The following NWD1 variants were observed in gnomAD, a reference collection of about 807,000 sequenced individuals.
NWD1 encodes the protein NACHT domain- and WD repeat-containing protein 1.
NWD1 carries 129 observed loss-of-function variants against 135.1 expected under a neutral mutation model. The ratio of observed to expected loss-of-function variants is 0.96; its 90% CI spans 0.83 to 1.11. NWD1 has a LOEUF of 1.11. NWD1 is among the 50% of genes least tolerant of loss of function. The pLI, the probability that NWD1 is intolerant of heterozygous loss-of-function variation, is 0.00. For missense variants in NWD1, 1,740 were observed against 1,851.3 expected (o/e 0.94, Z 1.10); for synonymous variants, 773 against 786.0 (o/e 0.98, Z 0.28).
At chr19:16,813,320 G>T (rs1385359279) in intron 18 of NWD1, among the ~76,000 whole-genome samples, 1 of 152,136 alleles carries the variant, frequency 6.6e-6, no homozygotes. Context: ...CCAGGTGTTT[G>T]TGAAGGTTCC....
intron 8 of NWD1, 120 bp from the exon 9 acceptor site, chr19:16,763,708 T>C: frequency 1.4e-6 from 1 of 696,082 alleles, no homozygotes. Flanking sequence ...TATGTCTGTC[T>C]TCCATTGCAT....
intron 12 of NWD1, among the ~76,000 whole-genome samples, chr19:16,783,877 T>C (rs969961368): frequency 2.6e-5 from 4 of 152,088 alleles, no homozygotes; most frequent in African/African-American, 9.7e-5. Flanking sequence ...ATAGCACGTA[T>C]GCCATATTAG....
At chr19:16,730,128 C>T (rs1398159132) in intron 2 of NWD1, among the ~76,000 whole-genome samples, 4 of 151,622 alleles carry the variant, frequency 2.6e-5, no homozygotes, top group African/African-American at 9.7e-5. Flanking sequence ...TTGAAACCAT[C>T]CTGGCCAACA....
Position 16,762,297 on chromosome 19 carries a change from C to CTTT in NWD1, c.2133+174_2133+176dup, listed in dbSNP as rs71180331. ...GTCCCTTCTACTGTCCCCCCCACTC[C>CTTT]TTTTTTTTTTTTTTTTTGAGACAGA... On this transcript the variant is annotated intron_variant, in intron 8 of 18. Transcript: ENST00000524140. Among the ~76,000 whole-genome samples the CTTT allele has an allele frequency of 8.7e-3, 1,030 of 118,052 alleles. 77 individuals are homozygous for CTTT. Among genetic ancestry groups the CTTT allele is most frequent in the African/African-American group, 0.03 (874 of 28,734 alleles). The allele number at this position is 118,052 out of a possible 152,430, so 77.4% of individuals were successfully genotyped here. A position where few individuals can be genotyped will look rare whatever the true frequency, so the allele number is the denominator to read the frequency against.
intron 4 of NWD1, among the ~76,000 whole-genome samples, chr19:16,743,014 G>A (rs1359337953): frequency 6.6e-6 from 1 of 151,576 alleles, no homozygotes; most frequent in African/African-American, 2.4e-5. Flanking sequence ...CCGGCTTCAA[G>A]CAAGTCTCCT....
chr19:16,799,752 C>A, intron 16 of NWD1, 134 bp from the exon 17 acceptor site: 1 of 713,372 alleles, frequency 1.4e-6, no homozygotes, highest in Admixed American at 2.9e-5. Context: ...AGGTGATCCA[C>A]CTGCCTCAGC....
intron 6 of NWD1, among the ~76,000 whole-genome samples, chr19:16,757,175 G>C (rs1032457621): frequency 6.6e-6 from 1 of 152,050 alleles, no homozygotes; most frequent in Non-Finnish European, 1.5e-5. Flanking sequence ...CCTGGTCCGC[G>C]GGAAAAAAAT....
intron 6 of NWD1, among the ~76,000 whole-genome samples, chr19:16,758,542 G>T (rs1968882603): frequency 6.6e-6 from 1 of 152,164 alleles, no homozygotes; most frequent in Non-Finnish European, 1.5e-5. Context: ...CTCCCAAAGT[G>T]CAGGGATTAC....
At chr19:16,810,941 C>T (rs1970906779) in intron 18 of NWD1, among the ~76,000 whole-genome samples, 1 of 152,204 alleles carries the variant, frequency 6.6e-6, no homozygotes, top group Non-Finnish European at 1.5e-5. Flanking sequence ...TCATAGTTCA[C>T]TGTAGCCTCC....
chr19:16,762,138 G>T lies in NWD1; in HGVS notation c.2133G>T (p.Lys711Asn). The T allele has an allele frequency of 6.2e-7, 1 of 1,611,408 alleles. No individual in the cohort carries two copies. Among genetic ancestry groups the T allele is most frequent in the South Asian group, 1.1e-5 (1 of 90,940 alleles). The stretch of plus-strand genomic sequence containing the variant: ...GGAAACCACTGAACTTGGACCGAAA[G>T]GTGAGGTACCTGGGACCCCCATTCC... Reference protein sequence around the residue: ...LVGKPLNLDRKVAPQPLWFSH... With the variant: ...LVGKPLNLDRNVAPQPLWFSH... Residue 711 changes from lysine to asparagine, a missense_variant and splice_region_variant, in exon 8 of 19, where the codon AAG becomes AAT. Lys to Asn is a moderately conservative substitution (Grantham distance 94, BLOSUM62 0). Coordinates refer to ENST00000524140, the MANE Select transcript of NWD1 (RefSeq NM_001007525.5).
chr19:16,808,186 C>A, intron 18 of NWD1, 50 bp downstream of exon 18: 1 of 1,527,564 alleles, frequency 6.5e-7, no homozygotes, highest in Non-Finnish European at 9.0e-7. Context: ...CATTGGAAAA[C>A]TGATAGATAG....
At chr19:16,765,744 C>A (rs1338744185) in intron 10 of NWD1, among the ~76,000 whole-genome samples, 1 of 152,058 alleles carries the variant, frequency 6.6e-6, no homozygotes, top group Non-Finnish European at 1.5e-5. Flanking sequence ...TAGGGCTGGG[C>A]GCAGTGGCTC....
chr19:16,800,082 C>T lies in NWD1; in HGVS notation c.3656C>T (p.Ala1219Val), dbSNP rs779271725. 1.5e-5 allele frequency: 25 copies of T among 1,614,028 alleles called. No individual in the cohort carries two copies. Among genetic ancestry groups the T allele is most frequent in the Non-Finnish European group, 2.0e-5 (24 of 1,179,974 alleles). ...APFLDRTGLT[A>V]VSHNGSYVYF... ...TTTCTGGACCGCACCGGCCTCACCG[C>T]AGTGTCCCACAATGGAAGCTACGTC... is the stretch of plus-strand genomic sequence containing the variant. The change falls in exon 17 of 19, where the codon GCA (alanine) becomes GTA (valine). Residue 1219 changes from alanine to valine, a missense_variant. Ala to Val is a moderately conservative substitution (Grantham distance 64, BLOSUM62 0). Transcript: ENST00000524140.
chr19:16,800,970 TA>T (rs1970586555), intron 17 of NWD1, among the ~76,000 whole-genome samples: 1 of 151,920 alleles, frequency 6.6e-6, no homozygotes, highest in Non-Finnish European at 1.5e-5. Flanking sequence ...CCATTTCTAC[TA>T]AAAATTTAAA....
In NWD1 at chr19:16,765,019, C is replaced by T. The variant is rs113837227; in HGVS notation, c.2252-15C>T. On this transcript the variant is annotated splice_polypyrimidine_tract_variant and intron_variant, in intron 9 of 18. Coordinates refer to ENST00000524140, the MANE Select transcript of NWD1 (RefSeq NM_001007525.5). Reference sequence around the variant, plus strand: ...GGTAGGCACTTCCCACATCCTCCCCCCTTCTCTCCCTCAGGCAGCATGAGC... The same window carrying T: ...GGTAGGCACTTCCCACATCCTCCCCTCTTCTCTCCCTCAGGCAGCATGAGC... 49 of 1,613,718 alleles carry T rather than the reference C, an allele frequency of 3.0e-5. No individual in the cohort carries two copies. The highest frequency in any genetic ancestry group is 5.0e-5 in the Admixed American group (3 of 59,982).
chr19:16,790,638 A>AAAAATAATAAAT (rs893745967), intron 13 of NWD1, among the ~76,000 whole-genome samples: 6 of 56,938 alleles, frequency 1.1e-4, no homozygotes, highest in East Asian at 8.2e-4. Flanking sequence ...ACATTAAAAA[A>AAAAATAATAAAT]AAATAAATAA....
At chr19:16,795,443 G>A (rs1355265863) in intron 15 of NWD1, among the ~76,000 whole-genome samples, 1 of 146,272 alleles carries the variant, frequency 6.8e-6, no homozygotes, top group Non-Finnish European at 1.5e-5. Context: ...TTGAGACCGA[G>A]TCTCGCTCTA....
intron 4 of NWD1, among the ~76,000 whole-genome samples, chr19:16,741,207 C>G (rs1223489381): frequency 6.6e-6 from 1 of 152,080 alleles, no homozygotes; most frequent in African/African-American, 2.4e-5. Context: ...CTTCGCTGTC[C>G]CTCTTCTTGC....
At chr19:16,768,249 G>A (rs1969298230) in intron 10 of NWD1, among the ~76,000 whole-genome samples, 1 of 151,930 alleles carries the variant, frequency 6.6e-6, no homozygotes, top group African/African-American at 2.4e-5. Context: ...GCCCACCTTG[G>A]CCTCCCAAAG....
Sources: gnomAD v4.1 joint callset for allele counts (sites outside exome capture counted in the v4.1 genomes callset) on GRCh38, gnomAD v4.1.1 for gene constraint, MANE v1.5 for transcripts, NCBI Gene and HGNC (gene_info 2026-07-23, HGNC 2026-07-21) for gene names.